UBR3: variants seen among roughly 807,000 people sequenced by gnomAD.
UBR3 encodes ubiquitin protein ligase E3 component n-recognin 3, also known as E3 ubiquitin-protein ligase UBR3.
UBR3 carries 85 observed loss-of-function variants against 243.2 expected under a neutral mutation model. The observed-to-expected ratio is 0.35, with a 90% CI of 0.29 to 0.42. The LOEUF (loss-of-function observed/expected upper bound fraction) is 0.42, where lower values mean the gene tolerates loss of function less well. Among genes scored for constraint, UBR3 ranks in the 10% least tolerant of loss-of-function variants. UBR3 has a pLI of 1.00. For synonymous variants in UBR3, 748 were observed against 799.8 expected, an observed-to-expected ratio of 0.94 and a Z score of 1.09; for missense variants, 1,686 against 2,300.8, an observed-to-expected ratio of 0.73 and a Z score of 5.47.
At chr2:169,926,317 G>C (rs1226987074) in intron 14 of UBR3, among the ~76,000 whole-genome samples, 1 of 152,208 alleles carries the variant, frequency 6.6e-6, no homozygotes, top group Non-Finnish European at 1.5e-5. Flanking sequence ...GCCAGGCGTG[G>C]TGGCTCATGC....
At chr2:169,907,012 A>T (rs1480284716) in intron 10 of UBR3, among the ~76,000 whole-genome samples, 2 of 146,604 alleles carry the variant, frequency 1.4e-5, no homozygotes, top group Non-Finnish European at 3.0e-5. Context: ...CCTTGTTACA[A>T]TCTTACTAGG....
chr2:169,882,348 GTAAA>G (rs911067938), intron 5 of UBR3, among the ~76,000 whole-genome samples: 1 of 24,888 alleles, frequency 4.0e-5, no homozygotes, highest in African/African-American at 6.9e-5. Context: ...TAATATATAT[GTAAA>G]TATATATTAT....
intron 5 of UBR3, among the ~76,000 whole-genome samples, chr2:169,890,575 ATATATG>A: frequency 3.3e-5 from 4 of 120,150 alleles, no homozygotes; most frequent in South Asian, 2.7e-4. Context: ...GTGTATATAT[ATATATG>A]TATATATATA....
chr2:170,006,181 T>G (rs2089905741), intron 27 of UBR3, among the ~76,000 whole-genome samples: 1 of 152,196 alleles, frequency 6.6e-6, no homozygotes, highest in African/African-American at 2.4e-5. Context: ...ACAAATCTTC[T>G]TCTCTGGAAA....
intron 1 of UBR3, among the ~76,000 whole-genome samples, chr2:169,864,120 A>C (rs2083176514): frequency 6.6e-6 from 1 of 151,978 alleles, no homozygotes; most frequent in African/African-American, 2.4e-5. Context: ...ATCTTGGCTC[A>C]CTGCAACCTT....
At chr2:169,842,536 C>G (rs555644042) in intron 1 of UBR3, among the ~76,000 whole-genome samples, 74 of 152,312 alleles carry the variant, frequency 4.9e-4, no homozygotes, top group African/African-American at 1.7e-3. Context: ...TGGGTCCACG[C>G]TGCTTTTATG....
In UBR3 at chr2:169,827,832, G is replaced by A; in HGVS notation, c.325G>A (p.Ala109Thr). 1 of 1,503,858 alleles carries A rather than the reference G, an allele frequency of 6.6e-7. No homozygotes were observed. The highest frequency in any genetic ancestry group is 1.2e-5 in the South Asian group (1 of 80,230). The allele number at this position is 1,503,858 out of a possible 1,614,324, so 93.2% of individuals were successfully genotyped here. A position where few individuals can be genotyped will look rare whatever the true frequency, so the allele number is the denominator to read the frequency against. Residue 109 changes from alanine to threonine, a missense_variant, in exon 1 of 39, where the codon GCG becomes ACG. Physicochemically the swap from Ala to Thr is moderately conservative, Grantham distance 58 (BLOSUM62 0). Transcript: ENST00000272793. Reference sequence around the variant, plus strand: ...CGGCGGCGGCTACGACGAGTTCTGCGCGGCGGTGCGGGCCTACGATCCCGC... The same window carrying A: ...CGGCGGCGGCTACGACGAGTTCTGCACGGCGGTGCGGGCCTACGATCCCGC... ...AGGGGYDEFCAAVRAYDPAAL... is the reference protein window; with the variant it reads ...AGGGGYDEFCTAVRAYDPAAL...
In UBR3 at chr2:170,065,295, G is replaced by A. The variant is rs2091538030; in HGVS notation, c.5019+3852G>A. Among the ~76,000 whole-genome samples the A allele has an allele frequency of 2.0e-5, 3 of 151,154 alleles. No homozygotes were observed. The South Asian group carries it at 6.3e-4, about 32-fold the overall frequency. ...TCAGGTGTTTTAATACTTTTTTTGG[G>A]TGGGCGGGAGGAAGACAGTCTCACT... On this transcript the variant is annotated intron_variant, in intron 35 of 38. Coordinates refer to ENST00000272793, the MANE Select transcript of UBR3 (RefSeq NM_172070.4).
intron 29 of UBR3, 56 bp downstream of exon 29, chr2:170,008,996 T>A: frequency 9.0e-7 from 1 of 1,117,026 alleles, no homozygotes; most frequent in Admixed American, 3.2e-5. Context: ...GTTGATTTTA[T>A]TATTTAATAA....
chr2:169,870,577 T>G (rs989739421), intron 1 of UBR3, among the ~76,000 whole-genome samples: 3 of 152,204 alleles, frequency 2.0e-5, no homozygotes, highest in Admixed American at 2.0e-4. Context: ...CATTTGAACT[T>G]TAGAATTAGT....
At position 169,828,031 on chromosome 2, in the gene UBR3, G is replaced by A. The variant is rs746878621; in HGVS notation, c.524G>A (p.Ser175Asn). ...GGGGGCGCCTGCGACTGCGGGGACA[G>A]CAACGTGATGCGGGAGAGCGGGTGA... ...QAGGACDCGD[S>N]NVMRESGFCK... The change falls in exon 1 of 39, where the codon AGC becomes AAC. Residue 175 changes from serine (S) to asparagine (N), a missense_variant. Around this residue, in one of 8 missense-constraint regions of UBR3, gnomAD observed 145 missense variants for 243.8 expected, o/e 0.59. Transcript: ENST00000272793. 1.4e-6 allele frequency: 2 copies of A among 1,392,092 alleles called. No homozygotes were observed. The highest frequency in any genetic ancestry group is 1.9e-6 in the Non-Finnish European group (2 of 1,066,480). 86.2% of individuals were successfully genotyped at this position (1,392,092 alleles called of 1,614,324 possible).
Position 169,931,294 on chromosome 2 carries a change from TG to T in UBR3, c.2567-1617del, listed in dbSNP as rs568690028. Among the ~76,000 whole-genome samples, 296 of 134,438 alleles carry T rather than the reference TG, an allele frequency of 2.2e-3. 3 individuals carry two copies. The highest frequency in any genetic ancestry group is 8.2e-3 in the African/African-American group (284 of 34,784). The allele number at this position is 134,438 out of a possible 152,430, so 88.2% of individuals were successfully genotyped here. ...TGAACCTGGGAGGCGGAGCTTGCAG[TG>T]AGCCGAGATCGCGCCACTGTACTCC... On this transcript the variant is annotated intron_variant, in intron 18 of 38. Coordinates refer to ENST00000272793, the MANE Select transcript of UBR3 (RefSeq NM_172070.4).
At chr2:170,060,471 G>T (rs1040007155) in intron 33 of UBR3, among the ~76,000 whole-genome samples, 7 of 151,640 alleles carry the variant, frequency 4.6e-5, no homozygotes, top group African/African-American at 1.7e-4. Context: ...GACATTTGAG[G>T]GAAATTGTAA....
At chr2:170,004,121 A>G (rs1442915695) in intron 27 of UBR3, among the ~76,000 whole-genome samples, 1 of 152,254 alleles carries the variant, frequency 6.6e-6, no homozygotes, top group East Asian at 1.9e-4. Flanking sequence ...TAAAATGTCC[A>G]GAAGAGTCAT....
chr2:169,883,112 GGAACGTGA>G (rs2105318606), intron 5 of UBR3, among the ~76,000 whole-genome samples: 1 of 152,324 alleles, frequency 6.6e-6, no homozygotes, highest in East Asian at 1.9e-4. Flanking sequence ...TTATGACTTA[GGAACGTGA>G]GAATGGCATC....
intron 27 of UBR3, among the ~76,000 whole-genome samples, chr2:170,005,377 C>T (rs566350260): frequency 6.6e-6 from 1 of 152,144 alleles, no homozygotes; most frequent in Non-Finnish European, 1.5e-5. Flanking sequence ...TTTTCTCTGA[C>T]AACACTCAGT....
In UBR3 at chr2:170,001,252, ATGTT is replaced by A; in HGVS notation, c.3919-48_3919-45del. ...TATGTGGACATACTAATATTTAAAT[ATGTT>A]TGTACTTCTTTAAAATTAATTGTAT... On this transcript the variant is annotated intron_variant, in intron 26 of 38. Coordinates refer to ENST00000272793, the MANE Select transcript of UBR3 (RefSeq NM_172070.4). 4.7e-6 allele frequency: 6 copies of A among 1,276,930 alleles called. No homozygotes were observed. In the South Asian group the frequency reaches 7.4e-5, roughly 16 times the overall value. The allele number at this position is 1,276,930 out of a possible 1,614,324, so 79.1% of individuals were successfully genotyped here.
chr2:170,023,717 C>T (rs142475253), intron 30 of UBR3, among the ~76,000 whole-genome samples: 14,428 of 151,904 alleles, frequency 0.095, 827 homozygotes, highest in African/African-American at 0.16. Context: ...CTCAGCCTCC[C>T]GAGTAGCTGG....
At chr2:170,043,422 T>C (rs1210147528) in intron 32 of UBR3, among the ~76,000 whole-genome samples, 1 of 152,152 alleles carries the variant, frequency 6.6e-6, no homozygotes, top group Non-Finnish European at 1.5e-5. Flanking sequence ...TTACTGAATT[T>C]AATTCAGTAG....
Sources: gnomAD v4.1 joint callset for allele counts (sites outside exome capture counted in the v4.1 genomes callset) on GRCh38, gnomAD v4.1.1 for gene constraint, gnomAD v4.1.1 regional missense constraint, MANE v1.5 for transcripts, NCBI Gene and HGNC (gene_info 2026-07-23, HGNC 2026-07-21) for gene names.